Variants in ABCC1 observed in about 807,000 individuals in gnomAD.
ABCC1 encodes the protein multidrug resistance-associated protein 1.
A neutral mutation model predicts 172.9 loss-of-function variants in ABCC1; 83 were observed. The ratio of observed to expected loss-of-function variants is 0.48; its 90% CI spans 0.40 to 0.58. The LOEUF is 0.58. Among genes scored for constraint, ABCC1 ranks in the 20% least tolerant of loss-of-function variants. ABCC1 has a pLI of 0.00. For missense variants in ABCC1, 1,817 were observed against 2,002.7 expected, an observed-to-expected ratio of 0.91 and a Z score of 1.77; for synonymous variants, 937 against 825.2, an observed-to-expected ratio of 1.14 and a Z score of -2.32.
chr16:16,108,423 A>G (rs2152076999), intron 21 of ABCC1, among the ~76,000 whole-genome samples: 1 of 148,074 alleles, frequency 6.8e-6, no homozygotes. Context: ...GGCCTGCGCC[A>G]CCATGCCTAG....
At chr16:16,086,730 A>T (rs1393707189) in intron 17 of ABCC1, 94 bp from the exon 18 acceptor site, 2 of 1,465,150 alleles carry the variant, frequency 1.4e-6, no homozygotes, top group Admixed American at 3.7e-5. Context: ...TGGCCTCCCA[A>T]AGTTCTGGGA....
intron 7 of ABCC1, among the ~76,000 whole-genome samples, chr16:16,039,304 G>A (rs1264691315): frequency 1.8e-5 from 2 of 110,386 alleles, no homozygotes; most frequent in East Asian, 2.7e-4. Context: ...GTCTCATTCT[G>A]TTACCCAGGG....
chr16:16,079,579 C>T (rs956131288), intron 16 of ABCC1, 101 bp downstream of exon 16: 11 of 1,419,754 alleles, frequency 7.7e-6, no homozygotes, highest in African/African-American at 4.3e-5. Flanking sequence ...GTGCCAGAAG[C>T]GAAAGCAGCA....
At chr16:15,954,581 C>A (rs966713206) in intron 1 of ABCC1, among the ~76,000 whole-genome samples, 2 of 152,082 alleles carry the variant, frequency 1.3e-5, no homozygotes, top group African/African-American at 4.8e-5. Context: ...GGTTCCTGGT[C>A]CAAATGGGTT....
Position 15,949,812 on chromosome 16 carries a change from G to A in ABCC1, c.48+13G>A. The A allele has an allele frequency of 5.9e-6, 7 of 1,194,940 alleles. No homozygotes were observed. Among genetic ancestry groups the A allele is most frequent in the Non-Finnish European group, 7.3e-6 (7 of 964,120 alleles). 74.0% of individuals were successfully genotyped at this position (1,194,940 alleles called of 1,614,324 possible). A position where few individuals can be genotyped will look rare whatever the true frequency, so the allele number is the denominator to read the frequency against. On this transcript the variant is annotated intron_variant, in intron 1 of 30. Coordinates refer to ENST00000399410, the MANE Select transcript of ABCC1 (RefSeq NM_004996.4). ...CGACCCGCTCTGGGTACGTGCCGGG[G>A]GCCGCGTGAGGCCGGCGGGACGGAG...
In ABCC1 at chr16:16,036,473, T is replaced by G; in HGVS notation, c.679T>G (p.Leu227Val). The G allele has an allele frequency of 6.2e-7, 1 of 1,612,546 alleles. No individual in the cohort carries two copies. The highest frequency in any genetic ancestry group is 8.5e-7 in the Non-Finnish European group (1 of 1,179,244). Residue 227 changes from leucine to valine, a missense_variant and splice_region_variant, in exon 7 of 31, where the codon TTG becomes GTG. Physicochemically the swap from Leu to Val is conservative, Grantham distance 32. This residue lies in a region of ABCC1 where 398 missense variants were observed against 384.2 expected (regional missense o/e 1.04). Coordinates refer to ENST00000399410, the MANE Select transcript of ABCC1 (RefSeq NM_004996.4). ...AACCCCCTTGTGTCTTGGCCCCAGGTTGATTGTCCGGGGCTACCGCCAGCC... is the reference window on the plus strand; with the variant it reads ...AACCCCCTTGTGTCTTGGCCCCAGGGTGATTGTCCGGGGCTACCGCCAGCC... ...SRITFWWITGLIVRGYRQPLE... is the reference protein window; with the variant it reads ...SRITFWWITGVIVRGYRQPLE...
chr16:15,981,584 G>A (rs915989185), intron 1 of ABCC1, among the ~76,000 whole-genome samples: 1 of 152,150 alleles, frequency 6.6e-6, no homozygotes, highest in African/African-American at 2.4e-5. Flanking sequence ...GGAACAAAGT[G>A]TACCAACTCC....
intron 23 of ABCC1, among the ~76,000 whole-genome samples, chr16:16,116,223 C>T (rs1055062382): frequency 1.3e-5 from 2 of 151,820 alleles, no homozygotes; most frequent in South Asian, 4.2e-4. Context: ...CTTAAGTTGG[C>T]CTCATGGTCC....
chr16:16,067,178 A>AGGTC (rs1428938508), intron 12 of ABCC1, among the ~76,000 whole-genome samples: 1 of 152,132 alleles, frequency 6.6e-6, no homozygotes, highest in Admixed American at 6.6e-5. Flanking sequence ...TGAGCCCGGG[A>AGGTC]GGTCGAGGCT....
chr16:16,004,658 T>A (rs1345451342), intron 1 of ABCC1, among the ~76,000 whole-genome samples: 2 of 11,426 alleles, frequency 1.8e-4, no homozygotes, highest in African/African-American at 3.1e-4. Flanking sequence ...TAAGGTTTAC[T>A]TTTTTTTTTT....
intron 18 of ABCC1, among the ~76,000 whole-genome samples, chr16:16,089,245 T>A (rs1052321058): frequency 6.6e-6 from 1 of 152,126 alleles, no homozygotes; most frequent in Admixed American, 6.6e-5. Flanking sequence ...GGAGTTGTTT[T>A]AGAAAAAAAT....
chr16:16,115,479 G>A (rs1187525241), intron 23 of ABCC1, among the ~76,000 whole-genome samples: 1 of 151,888 alleles, frequency 6.6e-6, no homozygotes, highest in African/African-American at 2.4e-5. Context: ...TCAGCCTCCT[G>A]AGTTAACAGG....
chr16:16,030,931 A>G lies in ABCC1; in HGVS notation c.616-2178A>G, dbSNP rs148925138. On this transcript the variant is annotated intron_variant, in intron 5 of 30. Coordinates refer to ENST00000399410, the MANE Select transcript of ABCC1 (RefSeq NM_004996.4). Reference sequence around the variant, plus strand: ...AGTGGCACGATCTCAGCTTACTGCAACCTCCGCCTCATGGATTCAAGCAAT... The same window carrying G: ...AGTGGCACGATCTCAGCTTACTGCAGCCTCCGCCTCATGGATTCAAGCAAT... Among the ~76,000 whole-genome samples the G allele has an allele frequency of 1.8e-3, 268 of 151,854 alleles. 1 individual carries two copies. Among genetic ancestry groups the G allele is most frequent in the African/African-American group, 5.6e-3 (231 of 41,396 alleles).
rs760163423 is a variant in ABCC1 at position 16,121,949 on chromosome 16, C to T, written c.3391-26C>T. The T allele has an allele frequency of 2.5e-6, 4 of 1,612,956 alleles. No homozygotes were observed. The South Asian group carries it at 3.3e-5, about 13-fold the overall frequency. On this transcript the variant is annotated intron_variant, in intron 23 of 30. Transcript: ENST00000399410. ...GATGGCAGGAGGGAACCTTCATCAA[C>T]TCCCCGCGTCTGTTCTCTACCCCAG...
intron 19 of ABCC1, 35 bp downstream of exon 19, chr16:16,090,623 T>G: frequency 6.6e-7 from 1 of 1,522,648 alleles, no homozygotes; most frequent in Non-Finnish European, 8.8e-7. Context: ...CCACTCAGGG[T>G]GTCTGGCACC....
chr16:16,000,326 AGTAGAG>A (rs2047260509), intron 1 of ABCC1, among the ~76,000 whole-genome samples: 1 of 151,402 alleles, frequency 6.6e-6, no homozygotes, highest in African/African-American at 2.4e-5. Flanking sequence ...TTGTGTTTCT[AGTAGAG>A]ACGGGTTTCA....
chr16:16,102,545 G>A, intron 19 of ABCC1, 82 bp from the exon 20 acceptor site: 1 of 1,323,538 alleles, frequency 7.6e-7, no homozygotes, highest in Non-Finnish European at 1.1e-6. Context: ...TCTCCTCACT[G>A]AAGTGGCCGG....
At chr16:16,011,062 C>T (rs774139886) in intron 3 of ABCC1, among the ~76,000 whole-genome samples, 4 of 152,184 alleles carry the variant, frequency 2.6e-5, no homozygotes, top group African/African-American at 4.8e-5. Context: ...GGCAAAACCC[C>T]GTCTCTACTA....
intron 16 of ABCC1, among the ~76,000 whole-genome samples, chr16:16,081,179 A>G (rs2151988165): frequency 6.6e-6 from 1 of 152,164 alleles, no homozygotes; most frequent in East Asian, 1.9e-4. Context: ...AGTTAATGAC[A>G]TTGTTTTTAT....
Sources: gnomAD v4.1 joint callset for allele counts (sites outside exome capture counted in the v4.1 genomes callset) on GRCh38, gnomAD v4.1.1 for gene constraint, gnomAD v4.1.1 regional missense constraint, MANE v1.5 for transcripts, NCBI Gene and HGNC (gene_info 2026-07-23, HGNC 2026-07-21) for gene names.